Variants in IGFL2 observed in about 807,000 individuals in gnomAD.
IGFL2 encodes the protein insulin growth factor-like family member 2.
A neutral mutation model predicts 13.9 loss-of-function variants in IGFL2; 7 were observed. That is an observed-to-expected ratio of 0.51 (90% CI 0.29 to 0.95). The LOEUF (loss-of-function observed/expected upper bound fraction) is 0.95. IGFL2 is among the 40% of genes least tolerant of loss of function. The probability of loss-of-function intolerance (pLI) is 0.08; values close to 1 mark genes in which losing one functional copy is unlikely to be tolerated. For missense variants in IGFL2, 138 were observed against 147.8 expected, an observed-to-expected ratio of 0.93 and a Z score of 0.34; for synonymous variants, 55 against 55.8, an observed-to-expected ratio of 0.99 and a Z score of 0.07.
chr19:46,169,639 G>C, the IGFL2 span, among the ~76,000 whole-genome samples: 1 of 152,152 alleles, frequency 6.6e-6, no homozygotes, highest in Non-Finnish European at 1.5e-5. Flanking sequence ...CCTGAGGTCA[G>C]GAGTTCAAAA....
chr19:46,097,273 T>C, the IGFL2 span, among the ~76,000 whole-genome samples: 1 of 152,354 alleles, frequency 6.6e-6, no homozygotes, highest in African/African-American at 2.4e-5. Context: ...AATTTGTCCA[T>C]TTCTTCTAAA....
At chr19:46,130,385 C>G in the IGFL2 span, among the ~76,000 whole-genome samples, 1 of 152,134 alleles carries the variant, frequency 6.6e-6, no homozygotes, top group Non-Finnish European at 1.5e-5. Flanking sequence ...TTTTCATTAT[C>G]TCACAGGGCA....
the IGFL2 span, among the ~76,000 whole-genome samples, chr19:46,125,166 T>C: frequency 2.5e-3 from 388 of 152,266 alleles, 3 homozygotes; most frequent in African/African-American, 9.1e-3. Context: ...TTTTTTGCTC[T>C]GGAGTCATTA....
the IGFL2 span, among the ~76,000 whole-genome samples, chr19:46,171,387 A>T: frequency 6.6e-6 from 1 of 151,990 alleles, no homozygotes; most frequent in South Asian, 2.1e-4. Context: ...ATTGACAGAG[A>T]GAAGAAGCTA....
At chr19:46,158,804 C>T (rs779662922) in intron 1 of IGFL2, among the ~76,000 whole-genome samples, 5 of 152,082 alleles carry the variant, frequency 3.3e-5, no homozygotes, top group African/African-American at 7.2e-5. Flanking sequence ...GAAGAGCCCT[C>T]CCTAAGGTTA....
chr19:46,116,691 T>A, the IGFL2 span, among the ~76,000 whole-genome samples: 1 of 152,218 alleles, frequency 6.6e-6, no homozygotes, highest in African/African-American at 2.4e-5. Flanking sequence ...AGTATTTTTT[T>A]AATGGACAAG....
the IGFL2 span, among the ~76,000 whole-genome samples, chr19:46,167,095 G>A: frequency 1.3e-5 from 2 of 152,330 alleles, no homozygotes; most frequent in East Asian, 3.9e-4. Context: ...TATGTTTAGA[G>A]ATTGCAGTGA....
the IGFL2 span, among the ~76,000 whole-genome samples, chr19:46,171,072 A>G: frequency 6.6e-6 from 1 of 151,810 alleles, no homozygotes; most frequent in Non-Finnish European, 1.5e-5. Context: ...CCCCTTTGAA[A>G]ATTGCTAATA....
chr19:46,125,822 T>C, the IGFL2 span, among the ~76,000 whole-genome samples: 2 of 152,192 alleles, frequency 1.3e-5, no homozygotes, highest in African/African-American at 4.8e-5. Context: ...CTACCAAATG[T>C]TAAAAAGAAA....
At chr19:46,176,832 C>T in the IGFL2 span, among the ~76,000 whole-genome samples, 1 of 152,316 alleles carries the variant, frequency 6.6e-6, no homozygotes, top group East Asian at 1.9e-4. Context: ...GCCCCATCCT[C>T]TCTGGTCCAA....
chr19:46,121,408 AAG>A, the IGFL2 span, among the ~76,000 whole-genome samples: 34 of 140,792 alleles, frequency 2.4e-4, 1 homozygote, highest in African/African-American at 3.6e-4. Flanking sequence ...AAAAAAAAAA[AAG>A]AAGAAGAAAA....
the IGFL2 span, among the ~76,000 whole-genome samples, chr19:46,098,081 A>T: frequency 0.63 from 95,483 of 151,992 alleles, 30,410 homozygotes; most frequent in Non-Finnish European, 0.67. Context: ...TCTTAATGAT[A>T]GTCTGATATT....
chr19:46,089,654 T>C, the IGFL2 span, among the ~76,000 whole-genome samples: 25 of 149,822 alleles, frequency 1.7e-4, no homozygotes, highest in Admixed American at 8.0e-4. Context: ...GGTGGTAGGT[T>C]TTTTTTTTTC....
At chr19:46,079,825 A>G in the IGFL2 span, among the ~76,000 whole-genome samples, 1 of 152,188 alleles carries the variant, frequency 6.6e-6, no homozygotes. Flanking sequence ...TCCCTCAAGG[A>G]AAGAGTCAGT....
the IGFL2 span, among the ~76,000 whole-genome samples, chr19:46,106,102 G>A: frequency 6.6e-6 from 1 of 152,070 alleles, no homozygotes; most frequent in African/African-American, 2.4e-5. Flanking sequence ...GAAAGGAGTT[G>A]TTGTTTGTAG....
chr19:46,137,546 A>T, the IGFL2 span: 1 of 1,068,728 alleles, frequency 9.4e-7, no homozygotes, highest in Non-Finnish European at 1.4e-6. Flanking sequence ...GGGAATGTCC[A>T]TGGAATCGTC....
downstream of IGFL2, among the ~76,000 whole-genome samples, chr19:46,162,669 C>T (rs1038626037): frequency 2.0e-5 from 3 of 151,980 alleles, no homozygotes; most frequent in African/African-American, 7.3e-5. Flanking sequence ...TTTTTTATAC[C>T]AGCTATTTTG....
At chr19:46,107,049 G>A in the IGFL2 span, among the ~76,000 whole-genome samples, 1 of 152,112 alleles carries the variant, frequency 6.6e-6, no homozygotes, top group Non-Finnish European at 1.5e-5. Context: ...GGGCAAGTGG[G>A]GATAACTAAA....
chr19:46,104,383 C>T, the IGFL2 span, among the ~76,000 whole-genome samples: 8 of 152,048 alleles, frequency 5.3e-5, no homozygotes, highest in South Asian at 8.3e-4. Context: ...AGATTGAGGA[C>T]GGTAAGGGGT....
Sources: allele counts gnomAD v4.1 joint callset (sites outside exome capture counted in the v4.1 genomes callset), GRCh38; gene constraint gnomAD v4.1.1; transcripts MANE v1.5; gene names NCBI Gene and HGNC (gene_info 2026-07-23, HGNC 2026-07-21).